BTBD9: variants seen among roughly 807,000 people sequenced by gnomAD.
The protein encoded by BTBD9 is BTB/POZ domain-containing protein 9.
Under a neutral mutation model 64.3 loss-of-function variants are expected in BTBD9, and 49 were observed. That is an observed-to-expected ratio of 0.76 (90% CI 0.61 to 0.97). The LOEUF is 0.97. Ranked by LOEUF, BTBD9 falls within the 50% of genes least tolerant of loss-of-function variation. BTBD9 has a pLI of 0.00. For synonymous variants in BTBD9, 260 were observed against 274.7 expected (o/e 0.95, Z 0.53); for missense variants, 598 against 762.1 (o/e 0.78, Z 2.53).
At chr6:38,245,037 A>G (rs1582105279) in intron 9 of BTBD9, among the ~76,000 whole-genome samples, 1 of 152,276 alleles carries the variant, frequency 6.6e-6, no homozygotes, top group African/African-American at 2.4e-5. Context: ...TGAAACCAAC[A>G]TGCATACGTG....
intron 9 of BTBD9, among the ~76,000 whole-genome samples, chr6:38,254,042 G>C (rs910925638): frequency 6.7e-6 from 1 of 149,350 alleles, no homozygotes; most frequent in Non-Finnish European, 1.5e-5. Context: ...AGTGGCATGT[G>C]AGTGGAAGGC....
intron 4 of BTBD9, 38 bp downstream of exon 4, chr6:38,592,538 A>G (rs1201227671): frequency 6.2e-7 from 1 of 1,605,242 alleles, no homozygotes; most frequent in Non-Finnish European, 8.5e-7. Context: ...GAGGCATACC[A>G]AGCTTCTTGG....
intron 6 of BTBD9, among the ~76,000 whole-genome samples, chr6:38,458,221 G>T (rs749517797): frequency 3.2e-4 from 49 of 152,184 alleles, no homozygotes; most frequent in Non-Finnish European, 6.3e-4. Context: ...ATTATTCTGA[G>T]GGTTCTCTTT....
chr6:38,438,093 G>A lies in BTBD9; in HGVS notation c.1155-93000C>T, dbSNP rs1036836793. ...TTCACTCACATCAACAGCACTGACTGAAGCCTGAAAACATTTGTAGAAAGG... is the reference window on the plus strand; with the variant it reads ...TTCACTCACATCAACAGCACTGACTAAAGCCTGAAAACATTTGTAGAAAGG... On this transcript the variant is annotated intron_variant, in intron 6 of 10. Coordinates refer to ENST00000481247, the MANE Select transcript of BTBD9 (RefSeq NM_001099272.2). Among the ~76,000 whole-genome samples the A allele has an allele frequency of 2.0e-5, 3 of 151,450 alleles. No homozygotes were observed. In the Admixed American group the frequency reaches 2.0e-4, roughly 10 times the overall value.
At chr6:38,453,144 T>C (rs1373584627) in intron 6 of BTBD9, among the ~76,000 whole-genome samples, 1 of 152,106 alleles carries the variant, frequency 6.6e-6, no homozygotes, top group Non-Finnish European at 1.5e-5. Context: ...AGACTAGTAA[T>C]AGTTTTATAC....
rs1398533178 is a variant in BTBD9 at position 38,344,902 on chromosome 6, TTAAGA to T, written c.1264+77_1264+81del. On this transcript the variant is annotated intron_variant, in intron 7 of 10. Coordinates refer to ENST00000481247, the MANE Select transcript of BTBD9 (RefSeq NM_001099272.2). The stretch of plus-strand genomic sequence containing the variant: ...AATCAACCAGAGTCCTTAGAACTGA[TTAAGA>T]TAAGTTAAGAGAGTAACAAAGTATT... The T allele has an allele frequency of 1.3e-5, 12 of 911,574 alleles. No homozygotes were observed. In the African/African-American group the frequency reaches 1.8e-4, roughly 14 times the overall value. The allele number at this position is 911,574 out of a possible 1,614,324, so 56.5% of individuals were successfully genotyped here. A position where few individuals can be genotyped will look rare whatever the true frequency, so the allele number is the denominator to read the frequency against.
Position 38,303,887 on chromosome 6 carries a change from A to G in BTBD9, c.1265-15426T>C, listed in dbSNP as rs1582197194. ...TATATATATATATACACACACACACATGTGTATATATATACGTGTATATAT... is the reference window on the plus strand; with the variant it reads ...TATATATATATATACACACACACACGTGTGTATATATATACGTGTATATAT... On this transcript the variant is annotated intron_variant, in intron 7 of 10. Transcript: ENST00000481247. Among the ~76,000 whole-genome samples the G allele has an allele frequency of 3.7e-5, 5 of 136,396 alleles. No homozygotes were observed. In the East Asian group the frequency reaches 6.3e-4, roughly 17 times the overall value. 89.5% of individuals were successfully genotyped at this position (136,396 alleles called of 152,430 possible).
At chr6:38,274,036 G>A (rs1765284701) in intron 8 of BTBD9, among the ~76,000 whole-genome samples, 1 of 152,204 alleles carries the variant, frequency 6.6e-6, no homozygotes, top group Non-Finnish European at 1.5e-5. Context: ...TTTCAGGAAG[G>A]AGTGAAGATG....
At chr6:38,329,826 G>A (rs1460068673) in intron 7 of BTBD9, among the ~76,000 whole-genome samples, 5 of 151,910 alleles carry the variant, frequency 3.3e-5, no homozygotes, top group East Asian at 2.0e-4. Flanking sequence ...GATGGCGGGC[G>A]CCTGTAATCC....
intron 6 of BTBD9, among the ~76,000 whole-genome samples, chr6:38,470,879 C>T (rs751545262): frequency 5.3e-5 from 8 of 152,192 alleles, no homozygotes; most frequent in South Asian, 2.1e-4. Context: ...ACCTCAGAAG[C>T]CTTTAAAATC....
chr6:38,619,530 G>A (rs1415225908), intron 1 of BTBD9, among the ~76,000 whole-genome samples: 8 of 152,146 alleles, frequency 5.3e-5, no homozygotes, highest in Admixed American at 4.6e-4. Flanking sequence ...GGCAATCACT[G>A]GAAGGCACAC....
At chr6:38,299,262 G>T (rs1315825890) in intron 7 of BTBD9, among the ~76,000 whole-genome samples, 1 of 152,142 alleles carries the variant, frequency 6.6e-6, no homozygotes, top group Non-Finnish European at 1.5e-5. Context: ...ATCATTGTTG[G>T]ACATTTGGGT....
intron 6 of BTBD9, among the ~76,000 whole-genome samples, chr6:38,475,040 C>A (rs923770176): frequency 8.5e-5 from 13 of 152,066 alleles, no homozygotes; most frequent in Non-Finnish European, 2.9e-5. Flanking sequence ...ACACTATACA[C>A]CCCTCGAAAA....
At chr6:38,476,082 G>A (rs1307292468) in intron 6 of BTBD9, among the ~76,000 whole-genome samples, 2 of 152,170 alleles carry the variant, frequency 1.3e-5, no homozygotes, top group Non-Finnish European at 2.9e-5. Context: ...ATTTGGGGTT[G>A]CCATTGTGTT....
At chr6:38,558,272 T>A (rs1582631476) in intron 6 of BTBD9, among the ~76,000 whole-genome samples, 1 of 142,188 alleles carries the variant, frequency 7.0e-6, no homozygotes, top group South Asian at 2.3e-4. Context: ...AAAAAAAAAA[T>A]CTATCAGGTC....
At chr6:38,239,323 C>T (rs1763907962) in intron 9 of BTBD9, among the ~76,000 whole-genome samples, 1 of 151,692 alleles carries the variant, frequency 6.6e-6, no homozygotes, top group Non-Finnish European at 1.5e-5. Context: ...GTCTGCAGTC[C>T]CAGCTACTTG....
At chr6:38,333,168 T>C (rs1303614369) in intron 7 of BTBD9, among the ~76,000 whole-genome samples, 4 of 152,224 alleles carry the variant, frequency 2.6e-5, no homozygotes, top group African/African-American at 9.6e-5. Flanking sequence ...AAGATGTTCC[T>C]GCTTCTATCA....
intron 8 of BTBD9, among the ~76,000 whole-genome samples, chr6:38,276,318 A>G (rs1003883392): frequency 1.4e-5 from 2 of 146,770 alleles, no homozygotes; most frequent in African/African-American, 4.9e-5. Context: ...TGGACACAGG[A>G]AGGGGAACAT....
intron 7 of BTBD9, among the ~76,000 whole-genome samples, chr6:38,316,098 C>A (rs1763019207): frequency 6.6e-6 from 1 of 152,136 alleles, no homozygotes; most frequent in Non-Finnish European, 1.5e-5. Flanking sequence ...GTCTTGAAAT[C>A]TATTTTGTCT....
Sources: allele counts gnomAD v4.1 joint callset (sites outside exome capture counted in the v4.1 genomes callset), GRCh38; gene constraint gnomAD v4.1.1; transcripts MANE v1.5; gene names NCBI Gene and HGNC (gene_info 2026-07-23, HGNC 2026-07-21).